The following COPZ1 variants were observed in gnomAD, a reference collection of about 807,000 sequenced individuals.
The protein encoded by COPZ1 is coatomer subunit zeta-1.
A neutral mutation model predicts 31.7 loss-of-function variants in COPZ1; 4 were observed. The observed-to-expected ratio is 0.13, with a 90% confidence interval of 0.06 to 0.29. The LOEUF (loss-of-function observed/expected upper bound fraction) is 0.29. Among genes scored for constraint, COPZ1 ranks in the 10% least tolerant of loss-of-function variants. The probability of loss-of-function intolerance (pLI) is 1.00; values close to 1 mark genes in which losing one functional copy is unlikely to be tolerated. For missense variants in COPZ1, 156 were observed against 211.5 expected (o/e 0.74, Z 1.63); for synonymous variants, 74 against 79.0 (o/e 0.94, Z 0.33).
chr12:54,349,440 T>C (rs944376050), intron 7 of COPZ1, among the ~76,000 whole-genome samples, 180 bp from the exon 8 acceptor site: 1 of 152,220 alleles, frequency 6.6e-6, no homozygotes, highest in Non-Finnish European at 1.5e-5. Flanking sequence ...TTTTTGTTCA[T>C]AGTCCCTCTG....
chr12:54,332,779 G>A (rs1002638726), intron 1 of COPZ1, among the ~76,000 whole-genome samples: 5 of 151,822 alleles, frequency 3.3e-5, no homozygotes, highest in Non-Finnish European at 5.9e-5. Flanking sequence ...AGGGAGCGTG[G>A]TTGCTGACCT....
intron 1 of COPZ1, among the ~76,000 whole-genome samples, chr12:54,331,919 C>T (rs190282671): frequency 1.3e-5 from 2 of 152,280 alleles, no homozygotes; most frequent in East Asian, 1.9e-4. Flanking sequence ...TCTGATTTCT[C>T]CTTATTCAGT....
chr12:54,345,623 T>C, intron 5 of COPZ1, 108 bp downstream of exon 5: 1 of 892,460 alleles, frequency 1.1e-6, no homozygotes, highest in South Asian at 1.4e-5. Context: ...CCAGGGATTG[T>C]AGGGGATTGG....
intron 1 of COPZ1, among the ~76,000 whole-genome samples, chr12:54,335,152 CAACAAAGTGA>C (rs1169325296): frequency 1.8e-5 from 2 of 112,126 alleles, no homozygotes; most frequent in Non-Finnish European, 3.6e-5. Context: ...CCAGCCTGGA[CAACAAAGTGA>C]AACAAAGTGA....
At position 54,343,769 on chromosome 12, in the gene COPZ1, T is replaced by C. The variant is rs943552555; in HGVS notation, c.261+453T>C. On this transcript the variant is annotated intron_variant, in intron 4 of 8. Coordinates refer to ENST00000262061, the MANE Select transcript of COPZ1 (RefSeq NM_016057.3). ...CCTGCTTCCTATATGCAGGAAAAGC[T>C]GTTTGCCTCAGATAGCAACTTCTAG... Among the ~76,000 whole-genome samples the C allele has an allele frequency of 3.3e-5, 5 of 152,196 alleles. No homozygotes were observed. The South Asian group carries it at 8.3e-4, about 25-fold the overall frequency.
intron 1 of COPZ1, among the ~76,000 whole-genome samples, chr12:54,330,952 G>T (rs1420650914): frequency 1.3e-5 from 2 of 152,080 alleles, no homozygotes; most frequent in African/African-American, 4.8e-5. Context: ...TGCTGGCAAG[G>T]GCCCTCTCAC....
At chr12:54,345,943 T>C (rs1387486315) in intron 5 of COPZ1, among the ~76,000 whole-genome samples, 1 of 144,666 alleles carries the variant, frequency 6.9e-6, no homozygotes, top group Non-Finnish European at 1.5e-5. Flanking sequence ...GGCGACAGAG[T>C]GAGACTCTGT....
intron 4 of COPZ1, among the ~76,000 whole-genome samples, chr12:54,344,065 A>G (rs1055231477): frequency 2.0e-5 from 3 of 152,230 alleles, no homozygotes; most frequent in African/African-American, 4.8e-5. Flanking sequence ...GGTTCAACCT[A>G]GTAACTTTCT....
intron 5 of COPZ1, chr12:54,346,684 T>C: frequency 2.9e-6 from 2 of 701,402 alleles, no homozygotes; most frequent in South Asian, 3.0e-5. Context: ...AGTGAGACCC[T>C]GTCTCTGCAA....
chr12:54,335,493 C>T (rs1211224137), intron 1 of COPZ1, among the ~76,000 whole-genome samples: 6 of 151,676 alleles, frequency 4.0e-5, no homozygotes, highest in Admixed American at 3.9e-4. Context: ...ACCGCAACCT[C>T]TGCCTCCCAG....
rs908384319 is a variant in COPZ1 at position 54,330,453 on chromosome 12, G to A, written c.18+5272G>A. On this transcript the variant is annotated intron_variant, in intron 1 of 8. Coordinates refer to ENST00000262061, the MANE Select transcript of COPZ1 (RefSeq NM_016057.3). ...CAAGAAGACCTTGTTATAGATTTCC[G>A]ACGTATTTATATATATTTTTTCCCT... Among the ~76,000 whole-genome samples the A allele has an allele frequency of 2.0e-5, 3 of 152,072 alleles. No homozygotes were observed. In the East Asian group the frequency reaches 5.8e-4, roughly 29 times the overall value.
intron 2 of COPZ1, 49 bp downstream of exon 2, chr12:54,340,664 T>A: frequency 4.4e-6 from 7 of 1,576,558 alleles, no homozygotes; most frequent in Non-Finnish European, 6.1e-6. Flanking sequence ...AGGTTTATTC[T>A]GAGATTTGAA....
chr12:54,346,857 AAAAAC>A (rs1051085612), intron 5 of COPZ1, among the ~76,000 whole-genome samples: 2 of 152,134 alleles, frequency 1.3e-5, no homozygotes, highest in Non-Finnish European at 2.9e-5. Flanking sequence ...CCCTGTCTCA[AAAAAC>A]AAAACAAAAC....
At position 54,340,565 on chromosome 12, in the gene COPZ1, G is replaced by C. The variant is rs1195660920; in HGVS notation, c.37G>C (p.Val13Leu). 1 of 1,613,958 alleles carries C rather than the reference G, an allele frequency of 6.2e-7. No homozygotes were observed. The highest frequency in any genetic ancestry group is 2.2e-5 in the East Asian group (1 of 44,896). The change falls in exon 2 of 9, where the codon GTC becomes CTC. Residue 13 changes from valine to leucine, a missense_variant. Coordinates refer to ENST00000262061, the MANE Select transcript of COPZ1 (RefSeq NM_016057.3). The stretch of plus-strand genomic sequence containing the variant: ...TCTTCAGGAACCTTCCCTGTATACT[G>C]TCAAAGCCATCCTGATTCTGGACAA... ...ALILEPSLYT[V>L]KAILILDNDG...
intron 1 of COPZ1, among the ~76,000 whole-genome samples, chr12:54,326,284 C>T (rs1953639777): frequency 6.6e-6 from 1 of 150,778 alleles, no homozygotes; most frequent in African/African-American, 2.4e-5. Flanking sequence ...GGACTACAGG[C>T]GCTCGCCACC....
In COPZ1 at chr12:54,347,775, T is replaced by C. The variant is rs1954089390; in HGVS notation, c.326T>C (p.Val109Ala). 1 of 1,609,258 alleles carries C rather than the reference T, an allele frequency of 6.2e-7. No individual in the cohort carries two copies. Among genetic ancestry groups the C allele is most frequent in the Non-Finnish European group, 8.5e-7 (1 of 1,178,840 alleles). Residue 109 changes from valine (V) to alanine (A), a missense_variant, in exon 6 of 9, where the codon GTA becomes GCA. Val to Ala is a moderately conservative substitution (Grantham distance 64). Transcript: ENST00000262061. The stretch of plus-strand genomic sequence containing the variant: ...TTCTCTTGGGGACTCAGGAAAAATG[T>C]AGAAAAGCGAGCACTGCTGGAGAAC... ...DSLSQMLRKN[V>A]EKRALLENME...
intron 1 of COPZ1, among the ~76,000 whole-genome samples, chr12:54,331,875 A>G (rs575727640): frequency 1.2e-4 from 19 of 152,254 alleles, no homozygotes; most frequent in African/African-American, 4.6e-4. Flanking sequence ...AGAATGTTCT[A>G]ATGGTGCTCT....
At chr12:54,335,227 C>T (rs913314803) in intron 1 of COPZ1, among the ~76,000 whole-genome samples, 2 of 151,396 alleles carry the variant, frequency 1.3e-5, no homozygotes, top group African/African-American at 4.8e-5. Flanking sequence ...GGAAGTATAC[C>T]TACTTAGCCA....
chr12:54,340,713 A>C, intron 2 of COPZ1, 98 bp downstream of exon 2: 1 of 1,257,278 alleles, frequency 8.0e-7, no homozygotes, highest in South Asian at 1.5e-5. Flanking sequence ...GTTCCTCAGT[A>C]GTATAATTTT....
Sources: gnomAD v4.1 joint callset for allele counts (sites outside exome capture counted in the v4.1 genomes callset) on GRCh38, gnomAD v4.1.1 for gene constraint, MANE v1.5 for transcripts, NCBI Gene and HGNC (gene_info 2026-07-23, HGNC 2026-07-21) for gene names.